Variants in SDCCAG8 observed in about 807,000 individuals in gnomAD.
SDCCAG8 encodes SHH signaling and ciliogenesis regulator SDCCAG8.
Under a neutral mutation model 101.8 loss-of-function variants are expected in SDCCAG8, and 74 were observed. The observed-to-expected ratio is 0.73, with a 90% confidence interval of 0.60 to 0.88. The LOEUF (loss-of-function observed/expected upper bound fraction) is 0.88. SDCCAG8 is among the 40% of genes least tolerant of loss of function. SDCCAG8 has a pLI of 0.00. For synonymous variants in SDCCAG8, 281 were observed against 292.9 expected (o/e 0.96, Z 0.41); for missense variants, 787 against 822.6 (o/e 0.96, Z 0.53).
At position 243,286,197 on chromosome 1, in the gene SDCCAG8, G is replaced by T. The variant is rs1018569677; in HGVS notation, c.421-75G>T. The T allele has an allele frequency of 3.6e-6, 5 of 1,398,104 alleles. No individual in the cohort carries two copies. In the African/African-American group the frequency reaches 4.3e-5, roughly 12 times the overall value. 86.6% of individuals were successfully genotyped at this position (1,398,104 alleles called of 1,614,324 possible). Reference sequence around the variant, plus strand: ...ATAAGTCTTCCGTACTTTATATCATGCTGTGCCCTCTAATAATCAACAAAT... The same window carrying T: ...ATAAGTCTTCCGTACTTTATATCATTCTGTGCCCTCTAATAATCAACAAAT... On this transcript the variant is annotated intron_variant, in intron 4 of 17. Transcript: ENST00000366541.
chr1:243,369,057 C>A lies in SDCCAG8; in HGVS notation c.1474-9664C>A, dbSNP rs114885972. 6.8e-3 allele frequency among the ~76,000 whole-genome samples: 1,034 copies of A among 152,134 alleles called. 8 individuals carry two copies. Among genetic ancestry groups the A allele is most frequent in the African/African-American group, 0.021 (877 of 41,512 alleles). On this transcript the variant is annotated intron_variant, in intron 12 of 17. Coordinates refer to ENST00000366541, the MANE Select transcript of SDCCAG8 (RefSeq NM_006642.5). ...TGTGACCAAATTACTTTAAAAAAAT[C>A]TCATAAATTCCTCATAATTTAATGG...
At chr1:243,302,902 C>T (rs2071676473) in intron 6 of SDCCAG8, among the ~76,000 whole-genome samples, 1 of 152,122 alleles carries the variant, frequency 6.6e-6, no homozygotes, top group African/African-American at 2.4e-5. Context: ...TTGAAAATGC[C>T]ATTATTGTTG....
intron 9 of SDCCAG8, chr1:243,318,658 C>CCCA (rs1200769376): frequency 1.1e-4 from 69 of 645,246 alleles, no homozygotes; most frequent in Non-Finnish European, 1.3e-4. Flanking sequence ...GACCAAACTC[C>CCCA]CCAACATACT....
At chr1:243,449,534 T>G (rs545089996) in intron 16 of SDCCAG8, among the ~76,000 whole-genome samples, 2 of 152,208 alleles carry the variant, frequency 1.3e-5, no homozygotes, top group Admixed American at 1.3e-4. Flanking sequence ...AGAACAGCCC[T>G]TGGAAGACGA....
At chr1:243,267,624 C>G in intron 1 of SDCCAG8, 1 of 655,996 alleles carries the variant, frequency 1.5e-6, no homozygotes, top group East Asian at 2.8e-5. Context: ...AAAAAAAGTC[C>G]CGGTCAACTG....
chr1:243,263,024 G>C (rs1393212191), intron 1 of SDCCAG8, among the ~76,000 whole-genome samples: 1 of 152,146 alleles, frequency 6.6e-6, no homozygotes, highest in Non-Finnish European at 1.5e-5. Flanking sequence ...TCCCATCATG[G>C]CACTGTCGGT....
chr1:243,368,626 A>G (rs1323286835), intron 12 of SDCCAG8, among the ~76,000 whole-genome samples: 2 of 152,166 alleles, frequency 1.3e-5, no homozygotes, highest in Non-Finnish European at 2.9e-5. Flanking sequence ...TAAGTCATTG[A>G]GCACCATTCC....
At chr1:243,267,069 C>G (rs1250567775) in intron 1 of SDCCAG8, among the ~76,000 whole-genome samples, 1 of 151,864 alleles carries the variant, frequency 6.6e-6, no homozygotes. Context: ...ACGGTGAAAC[C>G]CTGTCTGTAC....
At chr1:243,440,837 G>A (rs965527488) in intron 16 of SDCCAG8, among the ~76,000 whole-genome samples, 4 of 152,122 alleles carry the variant, frequency 2.6e-5, no homozygotes, top group South Asian at 2.1e-4. Flanking sequence ...GAGCAGTTTC[G>A]TGCATTGTTT....
At chr1:243,323,840 C>A (rs2073947717) in intron 9 of SDCCAG8, among the ~76,000 whole-genome samples, 1 of 152,134 alleles carries the variant, frequency 6.6e-6, no homozygotes, top group African/African-American at 2.4e-5. Flanking sequence ...TGTTAACTGG[C>A]CTATCATAAC....
chr1:243,456,698 G>C (rs1350367630), intron 16 of SDCCAG8, among the ~76,000 whole-genome samples: 1 of 152,120 alleles, frequency 6.6e-6, no homozygotes, highest in Non-Finnish European at 1.5e-5. Flanking sequence ...TTTGGTAAAG[G>C]GGTAGGGGAT....
intron 8 of SDCCAG8, among the ~76,000 whole-genome samples, chr1:243,316,421 A>G (rs1344269682): frequency 1.3e-5 from 2 of 152,128 alleles, no homozygotes; most frequent in Admixed American, 6.5e-5. Flanking sequence ...TACCTTCCCT[A>G]CTTTGCTGCA....
chr1:243,301,724 G>T (rs1199848516), intron 6 of SDCCAG8, among the ~76,000 whole-genome samples: 4 of 151,416 alleles, frequency 2.6e-5, no homozygotes, highest in East Asian at 1.9e-4. Flanking sequence ...ATTTCTATAA[G>T]AAAAGCATAC....
At chr1:243,413,564 T>C (rs1290061144) in intron 13 of SDCCAG8, among the ~76,000 whole-genome samples, 1 of 152,216 alleles carries the variant, frequency 6.6e-6, no homozygotes, top group African/African-American at 2.4e-5. Context: ...GATGGTGAGA[T>C]TGACAACCCC....
At chr1:243,371,776 T>C (rs2077307987) in intron 12 of SDCCAG8, among the ~76,000 whole-genome samples, 1 of 152,152 alleles carries the variant, frequency 6.6e-6, no homozygotes, top group African/African-American at 2.4e-5. Flanking sequence ...TTTTGCTATA[T>C]TCTAGACCAG....
intron 5 of SDCCAG8, among the ~76,000 whole-genome samples, chr1:243,290,960 G>A (rs1248703104): frequency 2.6e-5 from 4 of 152,054 alleles, no homozygotes; most frequent in Non-Finnish European, 5.9e-5. Flanking sequence ...GCTCATTTTT[G>A]TCCTCCAAGC....
intron 16 of SDCCAG8, among the ~76,000 whole-genome samples, chr1:243,449,938 G>C (rs144493401): frequency 6.6e-6 from 1 of 152,128 alleles, no homozygotes; most frequent in Non-Finnish European, 1.5e-5. Context: ...GCTTGAAAAC[G>C]TATTTGGATC....
chr1:243,364,126 G>A (rs372639829), intron 12 of SDCCAG8, among the ~76,000 whole-genome samples: 6 of 151,920 alleles, frequency 3.9e-5, no homozygotes, highest in Non-Finnish European at 7.4e-5. Flanking sequence ...TTTTCAATCA[G>A]TTATGTCTCT....
chr1:243,475,457 C>T (rs796796464), intron 16 of SDCCAG8, among the ~76,000 whole-genome samples: 30 of 152,220 alleles, frequency 2.0e-4, no homozygotes, highest in African/African-American at 5.3e-4. Flanking sequence ...CCCTTCCCTC[C>T]GGCGCCTCTT....
Sources: allele counts gnomAD v4.1 joint callset (sites outside exome capture counted in the v4.1 genomes callset), GRCh38; gene constraint gnomAD v4.1.1; transcripts MANE v1.5; gene names NCBI Gene and HGNC (gene_info 2026-07-23, HGNC 2026-07-21).